The following DRICH1 variants were observed in gnomAD, a reference collection of about 807,000 sequenced individuals.
The protein encoded by DRICH1 is aspartate rich 1, also known as aspartate-rich protein 1.
Under a neutral mutation model 39.5 loss-of-function variants are expected in DRICH1, and 38 were observed. The ratio of observed to expected loss-of-function variants is 0.96; its 90% CI spans 0.74 to 1.26. DRICH1 has a LOEUF of 1.26. Among genes scored for constraint, DRICH1 ranks in the 50% most tolerant of loss-of-function variants. The pLI is 0.00. For synonymous variants in DRICH1, 84 were observed against 99.5 expected, an observed-to-expected ratio of 0.84 and a Z score of 0.93; for missense variants, 279 against 270.4, an observed-to-expected ratio of 1.03 and a Z score of -0.22.
the DRICH1 span, among the ~76,000 whole-genome samples, chr22:23,593,050 C>T: frequency 4.6e-5 from 7 of 150,766 alleles, no homozygotes; most frequent in Middle Eastern, 6.8e-3. Context: ...AAAAAAAAAA[C>T]GAAATTATTC....
chr22:23,626,991 C>A (rs536361992), intron 1 of DRICH1, among the ~76,000 whole-genome samples: 3 of 151,712 alleles, frequency 2.0e-5, no homozygotes, highest in Admixed American at 2.0e-4. Flanking sequence ...GAGCATTCTG[C>A]GGGGATGTAA....
At position 23,622,219 on chromosome 22, in the gene DRICH1, G is replaced by A. The variant is rs762737654; in HGVS notation, c.299-43C>T. The A allele has an allele frequency of 1.9e-6, 3 of 1,571,458 alleles. No individual in the cohort carries two copies. In the Admixed American group the frequency reaches 5.0e-5, roughly 26 times the overall value. On this transcript the variant is annotated intron_variant, in intron 3 of 11. Transcript: ENST00000317749. ...AAAGATCCGTGCCCTGGTTGATTGT[G>A]ACTGTGAGTCACTCAGGGAGCTTTG... is the stretch of plus-strand genomic sequence containing the variant.
intron 1 of DRICH1, among the ~76,000 whole-genome samples, chr22:23,629,633 T>G (rs1928274006): frequency 6.6e-6 from 1 of 152,126 alleles, no homozygotes; most frequent in Non-Finnish European, 1.5e-5. Context: ...TTTATGTTTT[T>G]GAGACAGAGT....
At chr22:23,623,412 AAAAAG>A (rs1927885105) in intron 3 of DRICH1, among the ~76,000 whole-genome samples, 1 of 152,182 alleles carries the variant, frequency 6.6e-6, no homozygotes, top group Admixed American at 6.5e-5. Flanking sequence ...TCAAAAAACA[AAAAAG>A]AAAAGAAAAA....
intron 9 of DRICH1, 61 bp downstream of exon 9, chr22:23,614,074 G>A: frequency 1.8e-6 from 2 of 1,113,044 alleles, no homozygotes; most frequent in Non-Finnish European, 2.7e-6. Context: ...AAAATTAATT[G>A]AGAAATAAAG....
chr22:23,624,216 T>C, intron 3 of DRICH1: 1 of 985,340 alleles, frequency 1.0e-6, no homozygotes, highest in Non-Finnish European at 1.2e-6. Context: ...AAGAATTCTG[T>C]CTCCAGGAGT....
rs533861199 is a variant in DRICH1 at position 23,620,291 on chromosome 22, C to T, written c.406+303G>A. Among the ~76,000 whole-genome samples, 3 of 152,182 alleles carry T rather than the reference C, an allele frequency of 2.0e-5. No individual in the cohort carries two copies. The East Asian group carries it at 5.8e-4, about 29-fold the overall frequency. On this transcript the variant is annotated intron_variant, in intron 5 of 11. Coordinates refer to ENST00000317749, the MANE Select transcript of DRICH1 (RefSeq NM_016449.4). ...CTTGTTGCCCACCTGGAAAGGTAAC[C>T]TCTTCCCTGCTGAGATTCTCCAGAA...
At chr22:23,588,021 T>C in the DRICH1 span, among the ~76,000 whole-genome samples, 2 of 152,168 alleles carry the variant, frequency 1.3e-5, no homozygotes, top group Admixed American at 6.5e-5. Flanking sequence ...CACTTGCCCA[T>C]GCTATATTCG....
intron 3 of DRICH1, among the ~76,000 whole-genome samples, chr22:23,623,501 T>C: frequency 6.6e-6 from 1 of 152,144 alleles, no homozygotes; most frequent in South Asian, 2.1e-4. Context: ...TTCTAGAAAG[T>C]AAAGAACATA....
intron 6 of DRICH1, among the ~76,000 whole-genome samples, chr22:23,618,616 T>C (rs1374705755): frequency 8.5e-5 from 13 of 152,254 alleles, no homozygotes; most frequent in African/African-American, 2.4e-4. Flanking sequence ...TCAGGCTTCA[T>C]TGAAACAGGC....
chr22:23,632,248 C>A lies in DRICH1; in HGVS notation c.-225G>T. The A allele has an allele frequency of 2.9e-6, 2 of 692,784 alleles. No individual in the cohort carries two copies. Among genetic ancestry groups the A allele is most frequent in the East Asian group, 2.9e-5 (1 of 34,130 alleles). 42.9% of individuals were successfully genotyped at this position (692,784 alleles called of 1,614,324 possible). On this transcript the variant is annotated 5_prime_UTR_variant, in exon 1 of 12. Coordinates refer to ENST00000317749, the MANE Select transcript of DRICH1 (RefSeq NM_016449.4). ...TTGAAAAATAAACGAACATGACAAG[C>A]ACCCAAAGGTGCAAAAACTGCCATC... is the stretch of plus-strand genomic sequence containing the variant.
At chr22:23,609,936 G>C (rs1189463120) in intron 11 of DRICH1, among the ~76,000 whole-genome samples, 3 of 151,820 alleles carry the variant, frequency 2.0e-5, no homozygotes, top group Non-Finnish European at 4.4e-5. Context: ...CCCCTCCCTG[G>C]GCATCCTCCT....
At chr22:23,598,054 G>A in the DRICH1 span, among the ~76,000 whole-genome samples, 1 of 150,868 alleles carries the variant, frequency 6.6e-6, no homozygotes. Flanking sequence ...TCAGCCAGCT[G>A]CAGGCAGGGC....
At chr22:23,605,033 T>A (rs939387805), downstream of DRICH1, among the ~76,000 whole-genome samples, 2 of 152,082 alleles carry the variant, frequency 1.3e-5, no homozygotes, top group African/African-American at 4.8e-5. Context: ...GCTGAGTGAG[T>A]TGGGCGGGTC....
downstream of DRICH1, among the ~76,000 whole-genome samples, chr22:23,607,610 A>G (rs1461108158): frequency 1.3e-5 from 2 of 151,462 alleles, no homozygotes; most frequent in East Asian, 3.9e-4. Context: ...AGGCCCGGGT[A>G]TTTCTCCAAG....
rs533225407 is a variant in DRICH1 at position 23,611,844 on chromosome 22, T to C, written c.685+1445A>G. 3.1e-4 allele frequency among the ~76,000 whole-genome samples: 47 copies of C among 152,306 alleles called. No homozygotes were observed. In the South Asian group the frequency reaches 9.1e-3, roughly 30 times the overall value. ...GCGGGTGTAAACAAACCTACTGCGC[T>C]GCGTCATTACAGTAAAACAACACTT... On this transcript the variant is annotated intron_variant, in intron 11 of 11. Transcript: ENST00000317749.
the DRICH1 span, among the ~76,000 whole-genome samples, chr22:23,603,061 A>C: frequency 8.5e-5 from 12 of 140,884 alleles, no homozygotes; most frequent in African/African-American, 2.1e-4. Flanking sequence ...GCTGGAGTGC[A>C]GTGGCACAAT....
intron 1 of DRICH1, among the ~76,000 whole-genome samples, chr22:23,630,319 A>T (rs575166240): frequency 6.6e-6 from 1 of 152,146 alleles, no homozygotes; most frequent in Non-Finnish European, 1.5e-5. Flanking sequence ...GACACGGTTG[A>T]GTAATGCAGA....
intron 5 of DRICH1, among the ~76,000 whole-genome samples, chr22:23,619,606 GTCAGCTGATCTTCAACAAAGT>G (rs1927593324): frequency 6.6e-6 from 1 of 152,212 alleles, no homozygotes; most frequent in Admixed American, 6.5e-5. Context: ...CACATACAGA[GTCAGCTGATCTTCAACAAAGT>G]TGTCAAGAAT....
Sources: allele counts gnomAD v4.1 joint callset (sites outside exome capture counted in the v4.1 genomes callset), GRCh38; gene constraint gnomAD v4.1.1; transcripts MANE v1.5; gene names NCBI Gene and HGNC (gene_info 2026-07-23, HGNC 2026-07-21).